ZBTB20: variants seen among roughly 807,000 people sequenced by gnomAD.
ZBTB20 encodes zinc finger and BTB domain-containing protein 20.
A neutral mutation model predicts 56.9 loss-of-function variants in ZBTB20; 9 were observed. The ratio of observed to expected loss-of-function variants is 0.16; its 90% CI spans 0.10 to 0.28. The LOEUF is 0.28. Among genes scored for constraint, ZBTB20 ranks in the 10% least tolerant of loss-of-function variants. The probability of loss-of-function intolerance (pLI) is 1.00; values close to 1 mark genes in which losing one functional copy is unlikely to be tolerated. For synonymous variants in ZBTB20, 417 were observed against 420.7 expected, an observed-to-expected ratio of 0.99 and a Z score of 0.11; for missense variants, 655 against 1,003.0, an observed-to-expected ratio of 0.65 and a Z score of 4.69.
intron 6 of ZBTB20, among the ~76,000 whole-genome samples, chr3:114,569,110 A>T (rs2053131311): frequency 6.6e-6 from 1 of 152,212 alleles, no homozygotes; most frequent in South Asian, 2.1e-4. Context: ...TGAGTTGTTA[A>T]TGGTTAATAA....
chr3:115,059,584 T>A (rs1314074862), intron 2 of ZBTB20, among the ~76,000 whole-genome samples: 18 of 152,184 alleles, frequency 1.2e-4, no homozygotes, highest in Non-Finnish European at 2.5e-4. Context: ...AGTTTAATAT[T>A]CAGCATTCAA....
chr3:114,344,837 T>C (rs1165760020), intron 11 of ZBTB20, among the ~76,000 whole-genome samples: 1 of 152,224 alleles, frequency 6.6e-6, no homozygotes, highest in Admixed American at 6.5e-5. Context: ...ACTGAATTCA[T>C]GGCTGAAATA....
At chr3:115,107,994 G>C (rs1024903964) in intron 1 of ZBTB20, among the ~76,000 whole-genome samples, 2 of 152,164 alleles carry the variant, frequency 1.3e-5, no homozygotes, top group Non-Finnish European at 2.9e-5. Context: ...CGGCGGGTGG[G>C]GGGTGAGAGG....
intron 4 of ZBTB20, among the ~76,000 whole-genome samples, chr3:114,803,405 AC>A (rs2071864710): frequency 6.6e-6 from 1 of 151,862 alleles, no homozygotes; most frequent in South Asian, 2.1e-4. Flanking sequence ...AAATAGGACC[AC>A]AAATAAGACT....
chr3:114,357,655 G>A (rs1333522207), intron 10 of ZBTB20, among the ~76,000 whole-genome samples: 1 of 152,098 alleles, frequency 6.6e-6, no homozygotes, highest in African/African-American at 2.4e-5. Context: ...AATCTCAAAG[G>A]GGTCTGTGTT....
intron 1 of ZBTB20, among the ~76,000 whole-genome samples, chr3:115,125,420 G>A (rs2084303403): frequency 6.6e-6 from 1 of 151,818 alleles, no homozygotes; most frequent in African/African-American, 2.4e-5. Context: ...AGAAAATTCT[G>A]TCATTGTGAC....
chr3:114,520,666 A>G (rs1238447332), intron 6 of ZBTB20, among the ~76,000 whole-genome samples: 2 of 152,116 alleles, frequency 1.3e-5, no homozygotes, highest in African/African-American at 2.4e-5. Context: ...CTGGACATTC[A>G]TATCTCCCTG....
intron 4 of ZBTB20, among the ~76,000 whole-genome samples, chr3:114,843,252 G>T (rs1368540428): frequency 6.6e-6 from 1 of 152,092 alleles, no homozygotes; most frequent in Non-Finnish European, 1.5e-5. Context: ...AAGTATAAGA[G>T]AAAACATTAC....
intron 4 of ZBTB20, among the ~76,000 whole-genome samples, chr3:114,811,131 GAC>G (rs2072488186): frequency 1.3e-5 from 2 of 152,156 alleles, no homozygotes; most frequent in African/African-American, 4.8e-5. Context: ...ATGTCATTTA[GAC>G]TTAATCTTAT....
chr3:115,015,225 A>G (rs932011449), intron 2 of ZBTB20, among the ~76,000 whole-genome samples: 1 of 151,906 alleles, frequency 6.6e-6, no homozygotes, highest in East Asian at 1.9e-4. Flanking sequence ...GCAATATAAA[A>G]TATGTTTTGT....
At chr3:114,792,315 G>C (rs1411941742) in intron 5 of ZBTB20, 2 of 152,090 alleles carry the variant, frequency 1.3e-5, no homozygotes, top group Admixed American at 6.6e-5. Context: ...AGGGCTACTA[G>C]CAACATATTG....
At chr3:114,812,092 A>G (rs2072565051) in intron 4 of ZBTB20, among the ~76,000 whole-genome samples, 3 of 152,212 alleles carry the variant, frequency 2.0e-5, no homozygotes, top group African/African-American at 7.2e-5. Flanking sequence ...GGACCCAAAG[A>G]GTGAGCAGTA....
intron 2 of ZBTB20, among the ~76,000 whole-genome samples, chr3:115,039,029 G>A (rs946396594): frequency 2.6e-5 from 4 of 151,946 alleles, no homozygotes; most frequent in African/African-American, 9.7e-5. Context: ...TTGGATAAGA[G>A]GAGATAGCAT....
In ZBTB20 at chr3:114,941,072, AC is replaced by A. The variant is rs368997896; in HGVS notation, c.-456+33293del. 1.7e-4 allele frequency among the ~76,000 whole-genome samples: 25 copies of A among 146,626 alleles called. 3 individuals are homozygous for A. The highest frequency in any genetic ancestry group is 6.3e-4 in the African/African-American group (23 of 36,330). The stretch of plus-strand genomic sequence containing the variant: ...TACAAAGGATGTCAGTAAGTTACAG[AC>A]AGGAGGGCATACCTCATATTTATCA... On this transcript the variant is annotated intron_variant, in intron 3 of 11. Transcript: ENST00000675478.
At chr3:114,648,499 A>C (rs1039043611) in intron 6 of ZBTB20, among the ~76,000 whole-genome samples, 5 of 151,996 alleles carry the variant, frequency 3.3e-5, no homozygotes, top group Non-Finnish European at 5.9e-5. Flanking sequence ...GGCATCTTAA[A>C]TTTAGAAAGT....
At chr3:114,589,054 G>T (rs1312674169) in intron 6 of ZBTB20, among the ~76,000 whole-genome samples, 1 of 152,082 alleles carries the variant, frequency 6.6e-6, no homozygotes, top group East Asian at 1.9e-4. Flanking sequence ...AATCATGGGA[G>T]TAACTGCTTC....
At chr3:115,144,867 C>T (rs915940352) in intron 1 of ZBTB20, 1 of 152,190 alleles carries the variant, frequency 6.6e-6, no homozygotes, top group Non-Finnish European at 1.5e-5. Flanking sequence ...GTCACCTGAT[C>T]TTCATATGCA....
chr3:114,826,426 T>C (rs2073532734), intron 4 of ZBTB20, among the ~76,000 whole-genome samples: 1 of 151,816 alleles, frequency 6.6e-6, no homozygotes, highest in Non-Finnish European at 1.5e-5. Context: ...TTTTTCAAAT[T>C]AGACATCAGC....
At chr3:114,753,713 C>T (rs1457089286) in intron 5 of ZBTB20, among the ~76,000 whole-genome samples, 1 of 151,874 alleles carries the variant, frequency 6.6e-6, no homozygotes, top group East Asian at 1.9e-4. Flanking sequence ...AGATTACAGG[C>T]GTGAGCTACC....
Sources: allele counts gnomAD v4.1 joint callset (sites outside exome capture counted in the v4.1 genomes callset), GRCh38; gene constraint gnomAD v4.1.1; transcripts MANE v1.5; gene names NCBI Gene and HGNC (gene_info 2026-07-23, HGNC 2026-07-21).